The following PNPLA1 variants were observed in gnomAD, a reference collection of about 807,000 sequenced individuals.
PNPLA1 encodes the protein omega-hydroxyceramide transacylase.
Under a neutral mutation model 51.7 loss-of-function variants are expected in PNPLA1, and 36 were observed. The ratio of observed to expected loss-of-function variants is 0.70; its 90% CI spans 0.53 to 0.92. The LOEUF is 0.92. Among genes scored for constraint, PNPLA1 ranks in the 40% least tolerant of loss-of-function variants. The probability of loss-of-function intolerance (pLI) is 0.00; values close to 1 mark genes in which losing one functional copy is unlikely to be tolerated. For missense variants in PNPLA1, 658 were observed against 682.5 expected (o/e 0.96, Z 0.40); for synonymous variants, 293 against 280.1 (o/e 1.05, Z -0.46).
intron 1 of PNPLA1, among the ~76,000 whole-genome samples, chr6:36,254,264 T>G (rs1393234259): frequency 6.6e-6 from 1 of 152,198 alleles, no homozygotes; most frequent in African/African-American, 2.4e-5. Flanking sequence ...CTGGTCTTGG[T>G]TCCCTAATTG....
At chr6:36,263,610 A>G (rs9380563) in intron 1 of PNPLA1, among the ~76,000 whole-genome samples, 39,082 of 152,024 alleles carry the variant, frequency 0.26, 5,622 homozygotes, top group South Asian at 0.46. Context: ...CAATCGAGCA[A>G]CTCCTTGCAG....
rs534036183 is a variant in PNPLA1, at chr6:36,305,423, A to G, written c.1385-869A>G. Among the ~76,000 whole-genome samples, 40 of 152,334 alleles carry G rather than the reference A, an allele frequency of 2.6e-4. No individual in the cohort carries two copies. In the South Asian group the frequency reaches 8.3e-3, roughly 32 times the overall value. On this transcript the variant is annotated intron_variant, in intron 6 of 8. Coordinates refer to ENST00000636260, the MANE Select transcript of PNPLA1 (RefSeq NM_001374623.1). ...AAAGGACAAGCCTCATTGTGAATAG[A>G]TTTGGGAGAGTTAGGGACATACAAC...
At chr6:36,281,942 AC>A (rs1770296538) in intron 1 of PNPLA1, among the ~76,000 whole-genome samples, 1 of 151,066 alleles carries the variant, frequency 6.6e-6, no homozygotes, top group Admixed American at 6.7e-5. Flanking sequence ...AATCACTTGA[AC>A]CCAGGAGATG....
At chr6:36,297,662 G>A (rs1384877416) in intron 5 of PNPLA1, among the ~76,000 whole-genome samples, 1 of 152,248 alleles carries the variant, frequency 6.6e-6, no homozygotes, top group Non-Finnish European at 1.5e-5. Flanking sequence ...AAAGGGAATG[G>A]CAGCGCAGGC....
In PNPLA1 at chr6:36,253,486, A is replaced by T. The variant is rs190874313; in HGVS notation, c.-81+10225A>T. 1.9e-4 allele frequency among the ~76,000 whole-genome samples: 29 copies of T among 151,748 alleles called. No individual in the cohort carries two copies. In the East Asian group the frequency reaches 5.4e-3, roughly 28 times the overall value. On this transcript the variant is annotated intron_variant, in intron 1 of 7. Transcript: ENST00000312917. ...GACACAACTGTTATAATTCTTGATA[A>T]TTTTTTTTTAAAGACAGAGTCTTGC...
At chr6:36,279,446 G>A (rs185980891) in intron 1 of PNPLA1, among the ~76,000 whole-genome samples, 1 of 152,348 alleles carries the variant, frequency 6.6e-6, no homozygotes, top group African/African-American at 2.4e-5. Context: ...ACTGGGGCTG[G>A]CACTGGGGAG....
At chr6:36,268,291 C>A (rs185763599), upstream of PNPLA1, among the ~76,000 whole-genome samples, 12 of 152,294 alleles carry the variant, frequency 7.9e-5, no homozygotes, top group African/African-American at 2.9e-4. Flanking sequence ...GCCAGGCGTC[C>A]TACAGCCATT....
chr6:36,279,011 G>A (rs1023975066), intron 1 of PNPLA1, among the ~76,000 whole-genome samples: 3 of 152,190 alleles, frequency 2.0e-5, no homozygotes, highest in Admixed American at 6.5e-5. Flanking sequence ...TGGCCAGAAG[G>A]CCCCTCTGAG....
chr6:36,307,203 C>G (rs1325508925), intron 7 of PNPLA1, among the ~76,000 whole-genome samples: 2 of 152,174 alleles, frequency 1.3e-5, no homozygotes, highest in African/African-American at 2.4e-5. Flanking sequence ...TGTTTGCACT[C>G]TCTCTCACAT....
rs1771442424 is a variant in PNPLA1 at position 36,313,162 on chromosome 6, G to A, written c.*1276G>A. 6.6e-6 allele frequency among the ~76,000 whole-genome samples: 1 copy of A among 152,182 alleles called. No individual in the cohort carries two copies. The highest frequency in any genetic ancestry group is 2.1e-4 in the South Asian group (1 of 4,824). ...TGCCCTGGAGTCCTGGGTGGCTGTA[G>A]AGGAAGAAGGAGGCCAAATGTCCCT... On this transcript the variant is annotated 3_prime_UTR_variant, in exon 9 of 9. Coordinates refer to ENST00000636260, the MANE Select transcript of PNPLA1 (RefSeq NM_001374623.1).
At chr6:36,310,289 G>A (rs1168660644) in intron 8 of PNPLA1, among the ~76,000 whole-genome samples, 7 of 152,158 alleles carry the variant, frequency 4.6e-5, no homozygotes, top group African/African-American at 1.4e-4. Context: ...AGCTTGGGTG[G>A]GTGTACGCAT....
chr6:36,262,747 T>G (rs910925630), intron 1 of PNPLA1, among the ~76,000 whole-genome samples: 17 of 152,256 alleles, frequency 1.1e-4, no homozygotes, highest in African/African-American at 4.1e-4. Flanking sequence ...CTTACCAATA[T>G]ATCTTGGAGA....
rs1582081826 is a variant in PNPLA1 at position 36,293,101 on chromosome 6, T to A, written c.479T>A (p.Leu160His). ...CSCFVPVYCG[L>H]IPPTYRGVRY... ...TGCTTCGTCCCGGTGTACTGTGGCC[T>A]CATCCCCCCGACTTACCGCGGTGTG... is the stretch of plus-strand genomic sequence containing the variant. The change falls in exon 3 of 9, where the codon CTC becomes CAC. Residue 160 changes from leucine to histidine, a missense_variant. Physicochemically the swap from Leu to His is moderately conservative, Grantham distance 99. Coordinates refer to ENST00000636260, the MANE Select transcript of PNPLA1 (RefSeq NM_001374623.1). 1.9e-6 allele frequency: 3 copies of A among 1,614,064 alleles called. No homozygotes were observed. The highest frequency in any genetic ancestry group is 1.7e-6 in the Non-Finnish European group (2 of 1,179,974).
intron 1 of PNPLA1, among the ~76,000 whole-genome samples, chr6:36,244,758 C>T (rs1238637686): frequency 6.6e-6 from 1 of 152,256 alleles, no homozygotes; most frequent in Non-Finnish European, 1.5e-5. Flanking sequence ...CCAGCATGTT[C>T]CTCTGACAGC....
Position 36,252,370 on chromosome 6 carries a change from C to A in PNPLA1, c.-81+9109C>A, listed in dbSNP as rs1769438323. ...GCCCAGAGCAGCCTAACAGAGACAG[C>A]ATGGATTGCTGCAGTAACGCAGCAA... On this transcript the variant is annotated intron_variant, in intron 1 of 7. Coordinates refer to the PNPLA1 transcript ENST00000312917. Among the ~76,000 whole-genome samples the A allele has an allele frequency of 2.6e-5, 4 of 152,198 alleles. No homozygotes were observed. The South Asian group carries it at 6.2e-4, about 24-fold the overall frequency.
chr6:36,252,757 C>T (rs1004573423), intron 1 of PNPLA1, among the ~76,000 whole-genome samples: 2 of 152,138 alleles, frequency 1.3e-5, no homozygotes, highest in East Asian at 1.9e-4. Flanking sequence ...ATAGAAGAGA[C>T]GGTAATGTCT....
intron 1 of PNPLA1, among the ~76,000 whole-genome samples, chr6:36,262,357 C>CAT (rs1769669892): frequency 6.6e-6 from 1 of 152,188 alleles, no homozygotes; most frequent in Admixed American, 6.5e-5. Context: ...CTACGCAGCA[C>CAT]GTGTAATGAA....
At chr6:36,299,450 T>G (rs1290631679) in intron 5 of PNPLA1, among the ~76,000 whole-genome samples, 1 of 150,468 alleles carries the variant, frequency 6.6e-6, no homozygotes, top group African/African-American at 2.5e-5. Context: ...TTCTCCTGCC[T>G]CAGTCTCCCG....
intron 2 of PNPLA1, 140 bp from the exon 3 acceptor site, chr6:36,292,921 G>C: frequency 1.6e-6 from 1 of 642,816 alleles, no homozygotes; most frequent in Non-Finnish European, 2.6e-6. Flanking sequence ...TGAACTCGGA[G>C]CTTTGCTTCC....
Sources: allele counts gnomAD v4.1 joint callset (sites outside exome capture counted in the v4.1 genomes callset), GRCh38; gene constraint gnomAD v4.1.1; transcripts MANE v1.5; gene names NCBI Gene and HGNC (gene_info 2026-07-23, HGNC 2026-07-21).